Variants in SH3PXD2A observed in about 807,000 individuals in gnomAD.
SH3PXD2A encodes SH3 and PX domain-containing protein 2A.
A neutral mutation model predicts 115.2 loss-of-function variants in SH3PXD2A; 32 were observed. The observed-to-expected ratio is 0.28, with a 90% CI of 0.21 to 0.37. The LOEUF is 0.37. SH3PXD2A is among the 10% of genes least tolerant of loss of function. The pLI, the probability that SH3PXD2A is intolerant of heterozygous loss-of-function variation, is 1.00. For synonymous variants in SH3PXD2A, 610 were observed against 629.1 expected, an observed-to-expected ratio of 0.97 and a Z score of 0.45; for missense variants, 1,328 against 1,498.7, an observed-to-expected ratio of 0.89 and a Z score of 1.88.
chr10:103,611,735 G>C, intron 12 of SH3PXD2A, 105 bp from the exon 13 acceptor site: 2 of 905,244 alleles, frequency 2.2e-6, no homozygotes, highest in South Asian at 2.7e-5. Flanking sequence ...TCAAGTTCAT[G>C]CTTTAGCTCA....
chr10:103,708,392 T>C (rs1211621232), intron 5 of SH3PXD2A, among the ~76,000 whole-genome samples: 1 of 151,826 alleles, frequency 6.6e-6, no homozygotes, highest in African/African-American at 2.4e-5. Flanking sequence ...CAGTGGGAGG[T>C]TGGAGCCCAG....
rs528028162 is a variant in SH3PXD2A at position 103,760,562 on chromosome 10, C to T, written c.229+6532G>A. ...TCCAGCCTGGGCAACAGAGCGAGAC[C>T]CTGTCTCAAAAAGATATATATATGT... On this transcript the variant is annotated intron_variant, in intron 3 of 14. Coordinates refer to ENST00000369774, the MANE Select transcript of SH3PXD2A (RefSeq NM_001394015.1). Among the ~76,000 whole-genome samples, 475 of 144,484 alleles carry T rather than the reference C, an allele frequency of 3.3e-3. 3 individuals are homozygous for T. Among genetic ancestry groups the T allele is most frequent in the Non-Finnish European group, 5.3e-3 (354 of 66,688 alleles). The allele number at this position is 144,484 out of a possible 152,430, so 94.8% of individuals were successfully genotyped here. A position where few individuals can be genotyped will look rare whatever the true frequency, so the allele number is the denominator to read the frequency against.
intron 8 of SH3PXD2A, among the ~76,000 whole-genome samples, chr10:103,648,197 C>T (rs932668075): frequency 4.6e-5 from 7 of 152,116 alleles, no homozygotes; most frequent in African/African-American, 1.7e-4. Flanking sequence ...CCAGTGCACA[C>T]AAGAAGAAAT....
At chr10:103,844,682 A>C (rs1397188042) in intron 1 of SH3PXD2A, among the ~76,000 whole-genome samples, 1 of 152,150 alleles carries the variant, frequency 6.6e-6, no homozygotes, top group Non-Finnish European at 1.5e-5. Context: ...AAGGGGAGGG[A>C]GGTCACATCT....
chr10:103,712,537 C>A (rs565918081), intron 5 of SH3PXD2A, among the ~76,000 whole-genome samples: 1 of 152,224 alleles, frequency 6.6e-6, no homozygotes, highest in Non-Finnish European at 1.5e-5. Flanking sequence ...GGAAGCCCCT[C>A]CTTGGAGCTC....
At chr10:103,747,473 G>A (rs1399326895) in intron 3 of SH3PXD2A, among the ~76,000 whole-genome samples, 2 of 152,172 alleles carry the variant, frequency 1.3e-5, no homozygotes, top group Non-Finnish European at 2.9e-5. Context: ...TGGGACGCTG[G>A]GCAGAGCTTC....
chr10:103,726,662 G>T (rs2038245111), intron 4 of SH3PXD2A, among the ~76,000 whole-genome samples: 1 of 152,092 alleles, frequency 6.6e-6, no homozygotes, highest in Non-Finnish European at 1.5e-5. Context: ...CATGATAGTG[G>T]GGCAAAAAAC....
intron 2 of SH3PXD2A, among the ~76,000 whole-genome samples, chr10:103,796,399 AGAG>A (rs1474981458): frequency 6.8e-6 from 1 of 147,236 alleles, no homozygotes; most frequent in East Asian, 2.0e-4. Flanking sequence ...AAAAAAAAAA[AGAG>A]AGAGAGAGAG....
At chr10:103,686,393 C>T (rs1027607488) in intron 6 of SH3PXD2A, among the ~76,000 whole-genome samples, 2 of 152,190 alleles carry the variant, frequency 1.3e-5, no homozygotes, top group Non-Finnish European at 2.9e-5. Context: ...GGTGCCCTGG[C>T]GAAATGCAGC....
At chr10:103,773,002 A>G (rs1447792933) in intron 2 of SH3PXD2A, among the ~76,000 whole-genome samples, 1 of 152,172 alleles carries the variant, frequency 6.6e-6, no homozygotes, top group African/African-American at 2.4e-5. Context: ...GGCGGGGTGG[A>G]TCACCTGAGG....
chr10:103,730,054 T>C (rs1185282769), intron 4 of SH3PXD2A, among the ~76,000 whole-genome samples: 1 of 152,196 alleles, frequency 6.6e-6, no homozygotes, highest in Non-Finnish European at 1.5e-5. Context: ...CCCGGCAGAC[T>C]GTGCTCAGGC....
In SH3PXD2A at chr10:103,600,050, A is replaced by G. The variant is rs1271402912; in HGVS notation, c.*1766T>C. 6.6e-6 allele frequency: 1 copy of G among 152,558 alleles called. No homozygotes were observed. The highest frequency in any genetic ancestry group is 1.5e-5 in the Non-Finnish European group (1 of 68,066). The allele number at this position is 152,558 out of a possible 1,614,324, so 9.5% of individuals were successfully genotyped here. ...TGAAGGCACTGAGACACTGGGTCCCATGCTGCCCTGCCTGGGTGGGGAGCA... is the reference window on the plus strand; with the variant it reads ...TGAAGGCACTGAGACACTGGGTCCCGTGCTGCCCTGCCTGGGTGGGGAGCA... On this transcript the variant is annotated 3_prime_UTR_variant, in exon 15 of 15. Coordinates refer to ENST00000369774, the MANE Select transcript of SH3PXD2A (RefSeq NM_001394015.1).
At position 103,838,800 on chromosome 10, in the gene SH3PXD2A, CT is replaced by C. The variant is rs553170499; in HGVS notation, c.72+16394del. 5.3e-5 allele frequency among the ~76,000 whole-genome samples: 8 copies of C among 152,226 alleles called. No individual in the cohort carries two copies. The East Asian group carries it at 1.3e-3, about 26-fold the overall frequency. The stretch of plus-strand genomic sequence containing the variant: ...GGCCCAACACAATCAGGGCCAATGA[CT>C]TTTTTTTCTTTTTGAGAATAAAGAT... On this transcript the variant is annotated intron_variant, in intron 1 of 14. Coordinates refer to ENST00000369774, the MANE Select transcript of SH3PXD2A (RefSeq NM_001394015.1).
At chr10:103,699,837 G>A (rs1364886654) in intron 5 of SH3PXD2A, among the ~76,000 whole-genome samples, 1 of 152,366 alleles carries the variant, frequency 6.6e-6, no homozygotes, top group Non-Finnish European at 1.5e-5. Flanking sequence ...CCAGGGTTCT[G>A]AGAATGGACC....
intron 6 of SH3PXD2A, among the ~76,000 whole-genome samples, chr10:103,681,880 C>G (rs2037615259): frequency 6.6e-6 from 1 of 152,116 alleles, no homozygotes; most frequent in African/African-American, 2.4e-5. Flanking sequence ...GAGTTTGAGA[C>G]CAGCCTGGGC....
At chr10:103,848,109 G>A (rs1842865051) in intron 1 of SH3PXD2A, among the ~76,000 whole-genome samples, 1 of 152,172 alleles carries the variant, frequency 6.6e-6, no homozygotes, top group African/African-American at 2.4e-5. Flanking sequence ...CACTGGGGGA[G>A]TGTGGATGGA....
intron 1 of SH3PXD2A, among the ~76,000 whole-genome samples, chr10:103,812,967 A>G (rs879867163): frequency 3.9e-5 from 6 of 152,114 alleles, no homozygotes; most frequent in Non-Finnish European, 8.8e-5. Flanking sequence ...GTGTGTATAT[A>G]TGTGTGTGTG....
intron 2 of SH3PXD2A, among the ~76,000 whole-genome samples, chr10:103,799,248 C>A (rs1182931317): frequency 1.3e-5 from 2 of 152,236 alleles, no homozygotes; most frequent in South Asian, 2.1e-4. Flanking sequence ...TGTTCTTCCT[C>A]TATAGGATCC....
intron 1 of SH3PXD2A, among the ~76,000 whole-genome samples, chr10:103,806,306 C>A (rs182373666): frequency 2.0e-5 from 3 of 152,134 alleles, no homozygotes; most frequent in African/African-American, 7.2e-5. Flanking sequence ...CCAGACCCCT[C>A]TCTCTCGTCT....
Sources: allele counts gnomAD v4.1 joint callset (sites outside exome capture counted in the v4.1 genomes callset), GRCh38; gene constraint gnomAD v4.1.1; transcripts MANE v1.5; gene names NCBI Gene and HGNC (gene_info 2026-07-23, HGNC 2026-07-21).